The following DOCK4 variants were observed in gnomAD, a reference collection of about 807,000 sequenced individuals.
DOCK4 encodes the protein dedicator of cytokinesis 4.
DOCK4 carries 97 observed loss-of-function variants against 268.1 expected under a neutral mutation model. The observed-to-expected ratio is 0.36, with a 90% CI of 0.31 to 0.43. The LOEUF (loss-of-function observed/expected upper bound fraction) is 0.43, where lower values mean the gene tolerates loss of function less well. DOCK4 is among the 20% of genes least tolerant of loss of function. DOCK4 has a pLI of 1.00. For synonymous variants in DOCK4, 954 were observed against 887.2 expected (o/e 1.08, Z -1.34); for missense variants, 2,145 against 2,455.7 (o/e 0.87, Z 2.67).
At chr7:111,939,689 T>G (rs1040105138) in intron 11 of DOCK4, among the ~76,000 whole-genome samples, 6 of 152,144 alleles carry the variant, frequency 3.9e-5, no homozygotes, top group Non-Finnish European at 7.4e-5. Flanking sequence ...TTGTGGTACT[T>G]GGTTAGGGCA....
chr7:111,920,441 CA>C (rs1034277444), intron 12 of DOCK4, among the ~76,000 whole-genome samples: 8 of 151,804 alleles, frequency 5.3e-5, no homozygotes, highest in Non-Finnish European at 1.0e-4. Context: ...AAAGCTGGGG[CA>C]AAAAAGACAA....
Position 111,736,953 on chromosome 7 carries a change from G to A in DOCK4, c.5269C>T (p.Pro1757Ser), listed in dbSNP as rs1352829144. The change falls in exon 50 of 53, where the codon CCA becomes TCA. Residue 1757 changes from proline to serine, a missense_variant. By Grantham distance (74) the Pro-to-Ser change is moderately conservative. This residue lies in a region of DOCK4 where 547 missense variants were observed against 469.0 expected (regional missense o/e 1.17). Transcript: ENST00000428084. ...LFNHIGDGAL[P>S]RSDPNLSAPE... ...GCAGAGAGATTTGGGTCACTGCGTG[G>A]CAAGGCCCCGTCTCCAATATGATTA... 2 of 1,604,840 alleles carry A rather than the reference G, an allele frequency of 1.2e-6. No homozygotes were observed. The highest frequency in any genetic ancestry group is 1.1e-5 in the South Asian group (1 of 88,810).
chr7:112,078,001 T>A (rs1167574440), intron 1 of DOCK4, among the ~76,000 whole-genome samples: 1 of 152,158 alleles, frequency 6.6e-6, no homozygotes, highest in African/African-American at 2.4e-5. Context: ...AATTCTATTA[T>A]ATTTATTAAA....
chr7:111,762,961 TCTCA>T (rs1416643836), intron 39 of DOCK4, among the ~76,000 whole-genome samples: 1 of 151,420 alleles, frequency 6.6e-6, no homozygotes, highest in Non-Finnish European at 1.5e-5. Flanking sequence ...AGAGATGGGG[TCTCA>T]CTATGTTGCC....
chr7:111,857,806 C>G (rs1406081405), intron 23 of DOCK4, among the ~76,000 whole-genome samples: 2 of 152,222 alleles, frequency 1.3e-5, no homozygotes, highest in Non-Finnish European at 2.9e-5. Flanking sequence ...CTCTCTGCAT[C>G]AAATCTACCC....
chr7:111,913,651 C>T lies in DOCK4; in HGVS notation c.1192+2128G>A, dbSNP rs541393028. Among the ~76,000 whole-genome samples the T allele has an allele frequency of 3.3e-5, 5 of 151,406 alleles. No individual in the cohort carries two copies. In the South Asian group the frequency reaches 8.4e-4, roughly 25 times the overall value. On this transcript the variant is annotated intron_variant, in intron 13 of 52. Coordinates refer to ENST00000428084, the MANE Select transcript of DOCK4 (RefSeq NM_001363540.2). ...GTCTCGATCTTCTGACCTCGTGATC[C>T]GCCCACCTCGGCCTCCCAAAGTGCT...
intron 1 of DOCK4, among the ~76,000 whole-genome samples, chr7:112,104,617 G>A (rs1049968125): frequency 6.6e-6 from 1 of 152,150 alleles, no homozygotes; most frequent in African/African-American, 2.4e-5. Flanking sequence ...GTATTGGAGA[G>A]CATAATTTGA....
chr7:111,833,499 G>A (rs1278385535), intron 26 of DOCK4, among the ~76,000 whole-genome samples: 11 of 151,584 alleles, frequency 7.3e-5, no homozygotes, highest in Non-Finnish European at 1.5e-4. Flanking sequence ...AGCCATGATT[G>A]TACTACTGCA....
At chr7:111,931,851 T>C (rs1220036562) in intron 12 of DOCK4, among the ~76,000 whole-genome samples, 1 of 152,170 alleles carries the variant, frequency 6.6e-6, no homozygotes. Flanking sequence ...TTGCATACAT[T>C]TTTTCTTTTA....
At chr7:111,893,458 G>A (rs1808459309) in intron 16 of DOCK4, among the ~76,000 whole-genome samples, 1 of 152,194 alleles carries the variant, frequency 6.6e-6, no homozygotes, top group South Asian at 2.1e-4. Flanking sequence ...GAAACGGGGA[G>A]CCCAGTCTTA....
At chr7:111,876,234 G>A (rs1163048897) in intron 17 of DOCK4, among the ~76,000 whole-genome samples, 1 of 152,146 alleles carries the variant, frequency 6.6e-6, no homozygotes, top group Non-Finnish European at 1.5e-5. Flanking sequence ...TTGAAATTGA[G>A]AGGTGTTTTA....
chr7:112,043,202 ACTT>A (rs1325614046), intron 1 of DOCK4, among the ~76,000 whole-genome samples: 2 of 152,062 alleles, frequency 1.3e-5, no homozygotes, highest in Non-Finnish European at 2.9e-5. Flanking sequence ...AGACTTTCAC[ACTT>A]CTTCACTGAC....
intron 1 of DOCK4, among the ~76,000 whole-genome samples, chr7:112,152,501 G>C (rs1164554268): frequency 1.3e-5 from 2 of 152,132 alleles, no homozygotes; most frequent in Admixed American, 6.6e-5. Flanking sequence ...TTAGCTTGCA[G>C]CACTGAGAAG....
chr7:111,815,662 T>C (rs1376646485), intron 27 of DOCK4, among the ~76,000 whole-genome samples: 5 of 137,110 alleles, frequency 3.6e-5, no homozygotes, highest in South Asian at 3.0e-4. Flanking sequence ...TCCCCTCCTT[T>C]TTCTCTCTCT....
At chr7:111,945,890 T>TA in intron 8 of DOCK4, 92 bp from the exon 9 acceptor site, 4 of 929,302 alleles carry the variant, frequency 4.3e-6, no homozygotes, top group Non-Finnish European at 4.9e-6. Flanking sequence ...ACAGGTAAGC[T>TA]AAATATTAGG....
chr7:112,163,574 ATTAT>A (rs1229022434), intron 1 of DOCK4, among the ~76,000 whole-genome samples: 5 of 152,162 alleles, frequency 3.3e-5, no homozygotes, highest in African/African-American at 7.2e-5. Flanking sequence ...TTATTGACTT[ATTAT>A]TTATTTAATT....
intron 1 of DOCK4, among the ~76,000 whole-genome samples, chr7:112,177,488 ATG>A (rs1431626681): frequency 6.6e-6 from 1 of 152,242 alleles, no homozygotes; most frequent in Non-Finnish European, 1.5e-5. Flanking sequence ...GCAACCCACC[ATG>A]AAATAACAGT....
chr7:111,727,864 G>GTGTT lies in DOCK4; in HGVS notation c.*406_*409dup, dbSNP rs930199299. 1 of 158,608 alleles carries GTGTT rather than the reference G, an allele frequency of 6.3e-6. No homozygotes were observed. Among genetic ancestry groups the GTGTT allele is most frequent in the African/African-American group, 2.4e-5 (1 of 41,746 alleles). 9.8% of individuals were successfully genotyped at this position (158,608 alleles called of 1,614,324 possible). On this transcript the variant is annotated 3_prime_UTR_variant, in exon 53 of 53. Coordinates refer to ENST00000428084, the MANE Select transcript of DOCK4 (RefSeq NM_001363540.2). ...GAAGTCTTCTAAAATAAGGACCACT[G>GTGTT]TGTTAGGATGTGCACTGACTTAATA...
intron 8 of DOCK4, chr7:111,953,680 A>G (rs1389977679): frequency 1.3e-5 from 2 of 152,256 alleles, no homozygotes; most frequent in Non-Finnish European, 2.9e-5. Context: ...CCTCTCTTAG[A>G]CCATGTAAGT....
Sources: allele counts gnomAD v4.1 joint callset (sites outside exome capture counted in the v4.1 genomes callset), GRCh38; gene constraint gnomAD v4.1.1; regional missense constraint gnomAD v4.1.1; transcripts MANE v1.5; gene names NCBI Gene and HGNC (gene_info 2026-07-23, HGNC 2026-07-21).